ALK: variants seen among roughly 807,000 people sequenced by gnomAD.
ALK encodes ALK receptor tyrosine kinase.
In ALK, 74 loss-of-function variants were observed where a neutral mutation model predicts 163.1. The ratio of observed to expected loss-of-function variants is 0.45; its 90% CI spans 0.38 to 0.55. The LOEUF (loss-of-function observed/expected upper bound fraction) is 0.55, where lower values mean the gene tolerates loss of function less well. Among genes scored for constraint, ALK ranks in the 20% least tolerant of loss-of-function variants. ALK has a pLI of 0.00. For synonymous variants in ALK, 960 were observed against 843.2 expected (o/e 1.14, Z -2.40); for missense variants, 2,063 against 2,105.3 (o/e 0.98, Z 0.39).
chr2:29,256,512 G>A (rs1248813092), intron 11 of ALK, among the ~76,000 whole-genome samples: 2 of 152,084 alleles, frequency 1.3e-5, no homozygotes, highest in East Asian at 3.9e-4. Context: ...TAGATAACTG[G>A]TCTAGCCAGG....
chr2:29,217,140 GTGTGTGT>G (rs1669656860), intron 23 of ALK, among the ~76,000 whole-genome samples: 2 of 150,922 alleles, frequency 1.3e-5, no homozygotes, highest in African/African-American at 4.9e-5. Context: ...GTGTGTGTGT[GTGTGTGT>G]GTAGTGTATG....
chr2:29,641,562 G>A (rs1558421829), intron 3 of ALK, among the ~76,000 whole-genome samples: 2 of 152,090 alleles, frequency 1.3e-5, no homozygotes, highest in East Asian at 1.9e-4. Flanking sequence ...ACTCATCTTG[G>A]TAATAATAAT....
At chr2:29,610,878 T>C (rs910936971) in intron 3 of ALK, among the ~76,000 whole-genome samples, 4 of 152,170 alleles carry the variant, frequency 2.6e-5, no homozygotes, top group Admixed American at 6.5e-5. Flanking sequence ...ATTTCACTTA[T>C]GCTGAAATCA....
intron 4 of ALK, among the ~76,000 whole-genome samples, chr2:29,422,913 G>GTT (rs59625011): frequency 0.015 from 2,014 of 138,640 alleles, 19 homozygotes; most frequent in Middle Eastern, 0.027. Context: ...CACTTGATAT[G>GTT]TTTTTTTTTT....
chr2:29,410,394 C>A (rs1163944160), intron 4 of ALK, among the ~76,000 whole-genome samples: 1 of 152,208 alleles, frequency 6.6e-6, no homozygotes, highest in Admixed American at 6.5e-5. Flanking sequence ...AGTTGTCCCG[C>A]CTTTCTAGAC....
At chr2:29,459,390 C>G (rs912917282) in intron 4 of ALK, among the ~76,000 whole-genome samples, 13 of 152,288 alleles carry the variant, frequency 8.5e-5, no homozygotes, top group African/African-American at 3.1e-4. Context: ...CACTCCTCTG[C>G]TGCTCCCTCT....
At chr2:29,700,609 T>TGTGTGTGCACACACCTGC (rs1175637859) in intron 2 of ALK, among the ~76,000 whole-genome samples, 6 of 152,220 alleles carry the variant, frequency 3.9e-5, no homozygotes, top group Non-Finnish European at 7.4e-5. Flanking sequence ...AACGAGTGAG[T>TGTGTGTGCACACACCTGC]GTGTGTGCAC....
chr2:29,535,535 T>C (rs1339878636), intron 3 of ALK, among the ~76,000 whole-genome samples: 1 of 152,212 alleles, frequency 6.6e-6, no homozygotes, highest in Non-Finnish European at 1.5e-5. Context: ...ATATGGCTGT[T>C]GTGAAGATTA....
At chr2:29,275,560 ATC>A in intron 9 of ALK, 64 bp from the exon 10 acceptor site, 1 of 1,546,892 alleles carries the variant, frequency 6.5e-7, no homozygotes, top group Non-Finnish European at 8.9e-7. Context: ...AGGATTCAGC[ATC>A]CAGCAGGTGT....
chr2:29,864,210 T>A (rs1418739114), intron 1 of ALK, among the ~76,000 whole-genome samples: 1 of 152,174 alleles, frequency 6.6e-6, no homozygotes, highest in Non-Finnish European at 1.5e-5. Flanking sequence ...TACGTACACA[T>A]ACCCCTCCCT....
At chr2:29,495,745 T>C (rs938949825) in intron 4 of ALK, among the ~76,000 whole-genome samples, 1 of 152,210 alleles carries the variant, frequency 6.6e-6, no homozygotes, top group African/African-American at 2.4e-5. Context: ...ACTAAGACTA[T>C]CATGAATATG....
chr2:29,309,318 T>C (rs945548202), intron 8 of ALK, among the ~76,000 whole-genome samples: 1 of 152,016 alleles, frequency 6.6e-6, no homozygotes, highest in African/African-American at 2.4e-5. Context: ...GCCAGAGAGG[T>C]CTGTGATTAA....
At chr2:29,838,894 G>GT (rs111743862) in intron 1 of ALK, among the ~76,000 whole-genome samples, 9,361 of 152,072 alleles carry the variant, frequency 0.062, 721 homozygotes, top group African/African-American at 0.18. Flanking sequence ...AAAGATAAGT[G>GT]TTTTCATGGT....
chr2:29,597,586 C>G (rs1315997408), intron 3 of ALK, among the ~76,000 whole-genome samples: 3 of 152,182 alleles, frequency 2.0e-5, no homozygotes, highest in Non-Finnish European at 4.4e-5. Context: ...AAGAAAAAAC[C>G]TGACAACTAA....
intron 1 of ALK, among the ~76,000 whole-genome samples, chr2:29,768,713 C>CTATGTG (rs149394341): frequency 0.076 from 10,764 of 142,528 alleles, 452 homozygotes; most frequent in African/African-American, 0.12. Flanking sequence ...TTATATATGT[C>CTATGTG]TGTGTGTGTG....
chr2:29,591,276 C>T (rs1176993532), intron 3 of ALK, among the ~76,000 whole-genome samples: 1 of 152,138 alleles, frequency 6.6e-6, no homozygotes, highest in Non-Finnish European at 1.5e-5. Flanking sequence ...CTTCCTCATT[C>T]TGACGAACTA....
intron 1 of ALK, among the ~76,000 whole-genome samples, chr2:29,813,119 G>A (rs1664798834): frequency 6.6e-6 from 1 of 152,172 alleles, no homozygotes; most frequent in Admixed American, 6.5e-5. Context: ...ACACCATCAA[G>A]AAAAGCTTCA....
At chr2:29,550,057 A>G (rs1487266356) in intron 3 of ALK, among the ~76,000 whole-genome samples, 2 of 152,174 alleles carry the variant, frequency 1.3e-5, no homozygotes, top group East Asian at 3.8e-4. Context: ...GACAAGTCAC[A>G]TCTCCCTAGG....
chr2:29,597,295 T>G (rs556932820), intron 3 of ALK, among the ~76,000 whole-genome samples: 1 of 152,316 alleles, frequency 6.6e-6, no homozygotes, highest in South Asian at 2.1e-4. Context: ...TTCTCTTAAA[T>G]AGCTACTGTC....
Sources: gnomAD v4.1 joint callset for allele counts (sites outside exome capture counted in the v4.1 genomes callset) on GRCh38, gnomAD v4.1.1 for gene constraint, MANE v1.5 for transcripts, NCBI Gene and HGNC (gene_info 2026-07-23, HGNC 2026-07-21) for gene names.